ARB2A: variants seen among roughly 807,000 people sequenced by gnomAD.
ARB2A encodes the protein cotranscriptional regulator ARB2A.
the ARB2A span, among the ~76,000 whole-genome samples, chr5:93,990,516 A>G: frequency 6.6e-6 from 1 of 151,672 alleles, no homozygotes; most frequent in African/African-American, 2.4e-5. Flanking sequence ...TATTGTAAGA[A>G]AGATAGGCTA....
At chr5:94,062,109 C>T in the ARB2A span, among the ~76,000 whole-genome samples, 2 of 152,160 alleles carry the variant, frequency 1.3e-5, no homozygotes, top group Admixed American at 1.3e-4. Flanking sequence ...TCAAAAACAA[C>T]TGTCCAAATA....
the ARB2A span, among the ~76,000 whole-genome samples, chr5:93,930,264 G>C: frequency 6.6e-6 from 1 of 152,192 alleles, no homozygotes; most frequent in African/African-American, 2.4e-5. Context: ...ACGAGAGTCT[G>C]TCTTGGATAA....
the ARB2A span, among the ~76,000 whole-genome samples, chr5:93,724,728 T>A: frequency 6.6e-6 from 1 of 152,022 alleles, no homozygotes; most frequent in East Asian, 1.9e-4. Flanking sequence ...AAACCCTACA[T>A]ATACAGTGTT....
chr5:93,634,829 G>C, the ARB2A span, among the ~76,000 whole-genome samples: 1 of 151,938 alleles, frequency 6.6e-6, no homozygotes, highest in African/African-American at 2.4e-5. Flanking sequence ...AGGCTGGAGT[G>C]CAAGGGCGTG....
the ARB2A span, among the ~76,000 whole-genome samples, chr5:93,843,308 A>C: frequency 1.3e-5 from 2 of 152,210 alleles, no homozygotes; most frequent in Non-Finnish European, 2.9e-5. Flanking sequence ...TCCTGAACAA[A>C]TAGACACTTG....
At chr5:93,944,859 A>G in the ARB2A span, among the ~76,000 whole-genome samples, 1 of 152,206 alleles carries the variant, frequency 6.6e-6, no homozygotes, top group African/African-American at 2.4e-5. Flanking sequence ...TTGACATTAC[A>G]GCAAAAATTC....
At chr5:93,763,734 C>G in the ARB2A span, among the ~76,000 whole-genome samples, 1 of 152,198 alleles carries the variant, frequency 6.6e-6, no homozygotes, top group African/African-American at 2.4e-5. Flanking sequence ...CCCAAATCAA[C>G]AGAATATACA....
At chr5:94,019,069 C>T in the ARB2A span, among the ~76,000 whole-genome samples, 1 of 152,072 alleles carries the variant, frequency 6.6e-6, no homozygotes, top group African/African-American at 2.4e-5. Flanking sequence ...GGAAATGATT[C>T]CATATTTAAT....
chr5:93,848,387 TAA>T, the ARB2A span, among the ~76,000 whole-genome samples: 25 of 131,556 alleles, frequency 1.9e-4, no homozygotes, highest in African/African-American at 3.8e-4. Flanking sequence ...GTCTAAAGAT[TAA>T]AAAAAAAAAA....
chr5:93,885,405 C>T, the ARB2A span, among the ~76,000 whole-genome samples: 10 of 151,534 alleles, frequency 6.6e-5, no homozygotes, highest in African/African-American at 1.9e-4. Context: ...ATTTCTTATA[C>T]GATAAAAAGT....
At chr5:93,779,200 T>G in the ARB2A span, among the ~76,000 whole-genome samples, 3 of 150,764 alleles carry the variant, frequency 2.0e-5, no homozygotes, top group Non-Finnish European at 4.4e-5. Context: ...GCAAAACAAG[T>G]TAAATGTTTG....
the ARB2A span, among the ~76,000 whole-genome samples, chr5:94,046,242 C>T: frequency 2.6e-5 from 4 of 151,908 alleles, no homozygotes; most frequent in Non-Finnish European, 5.9e-5. Context: ...TTATTTTCTC[C>T]TTTTCCCCTG....
chr5:94,034,629 C>A, the ARB2A span, among the ~76,000 whole-genome samples: 1 of 152,116 alleles, frequency 6.6e-6, no homozygotes, highest in Non-Finnish European at 1.5e-5. Flanking sequence ...CTGTTTTATC[C>A]TCAAATTGCA....
the ARB2A span, among the ~76,000 whole-genome samples, chr5:93,867,442 G>A: frequency 3.3e-5 from 5 of 151,562 alleles, no homozygotes; most frequent in African/African-American, 4.9e-5. Context: ...ATTTATTTAC[G>A]GAGTCTCGCT....
chr5:94,051,681 A>G, the ARB2A span, among the ~76,000 whole-genome samples: 1 of 152,174 alleles, frequency 6.6e-6, no homozygotes, highest in Non-Finnish European at 1.5e-5. Flanking sequence ...AAATATTTCC[A>G]TTTTACGTGC....
At chr5:94,005,016 AAAAAAAAAAAG>A in the ARB2A span, among the ~76,000 whole-genome samples, 610 of 122,250 alleles carry the variant, frequency 5.0e-3, 7 homozygotes, top group African/African-American at 0.017. Context: ...AAAAAAAAAA[AAAAAAAAAAAG>A]AGAGAGGACA....
the ARB2A span, among the ~76,000 whole-genome samples, chr5:93,649,885 C>G: frequency 1.3e-5 from 2 of 152,130 alleles, no homozygotes; most frequent in African/African-American, 2.4e-5. Flanking sequence ...GTTGTAAAAC[C>G]AAGCCTGAAC....
chr5:93,977,004 T>C, the ARB2A span, among the ~76,000 whole-genome samples: 1 of 150,498 alleles, frequency 6.6e-6, no homozygotes, highest in Admixed American at 6.6e-5. Context: ...CCATTTACAA[T>C]AGCCACTAAA....
chr5:93,817,234 A>C, the ARB2A span, among the ~76,000 whole-genome samples: 22 of 152,270 alleles, frequency 1.4e-4, no homozygotes, highest in East Asian at 3.5e-3. Context: ...AATTTCAGTT[A>C]GAATAGCTTC....
Sources: gnomAD v4.1 joint callset for allele counts (sites outside exome capture counted in the v4.1 genomes callset) on GRCh38, gnomAD v4.1.1 for gene constraint, MANE v1.5 for transcripts, NCBI Gene and HGNC (gene_info 2026-07-23, HGNC 2026-07-21) for gene names.